ETFDH: variants seen among roughly 807,000 people sequenced by gnomAD.
ETFDH encodes the protein electron transfer flavoprotein dehydrogenase.
ETFDH carries 61 observed loss-of-function variants against 73.2 expected under a neutral mutation model. The observed-to-expected ratio is 0.83, with a 90% confidence interval of 0.68 to 1.03. The LOEUF is 1.03. ETFDH is among the 50% of genes least tolerant of loss of function. The pLI, the probability that ETFDH is intolerant of heterozygous loss-of-function variation, is 0.00. For missense variants in ETFDH, 685 were observed against 745.0 expected, an observed-to-expected ratio of 0.92 and a Z score of 0.94; for synonymous variants, 243 against 253.3, an observed-to-expected ratio of 0.96 and a Z score of 0.39.
rs765701722 is a variant in ETFDH, at chr4:158,706,343, A to T, written c.1440A>T (p.Gly480=). ...YTGIFYWILR[G]MEPWTLKHKG... ...GAATCTTTTACTGGATATTGAGAGG[A>T]ATGGAGCCGTGGACTCTGAAACATA... The change falls in exon 11 of 13, where the codon GGA becomes GGT. Residue 480 remains glycine (G), a synonymous_variant. Coordinates refer to ENST00000511912, the MANE Select transcript of ETFDH (RefSeq NM_004453.4). 5 of 1,613,734 alleles carry T rather than the reference A, an allele frequency of 3.1e-6. No individual in the cohort carries two copies. The highest frequency in any genetic ancestry group is 3.4e-6 in the Non-Finnish European group (4 of 1,179,628).
chr4:158,688,218 C>T (rs1475683021), intron 5 of ETFDH, among the ~76,000 whole-genome samples: 1 of 147,082 alleles, frequency 6.8e-6, no homozygotes, highest in Non-Finnish European at 1.5e-5. Context: ...ATGGTGAAAC[C>T]CCCTCTCTAC....
rs371863866 is a variant in ETFDH, at chr4:158,698,951, A to C, written c.973-36A>C. 1.9e-4 allele frequency: 258 copies of C among 1,392,574 alleles called. 1 individual carries two copies. The African/African-American group carries it at 3.4e-3, about 18-fold the overall frequency. 86.3% of individuals were successfully genotyped at this position (1,392,574 alleles called of 1,614,324 possible). A position where few individuals can be genotyped will look rare whatever the true frequency, so the allele number is the denominator to read the frequency against. On this transcript the variant is annotated intron_variant, in intron 8 of 12. Transcript: ENST00000511912. The stretch of plus-strand genomic sequence containing the variant: ...TTTTAGCTTGATTTAATTTGAAATA[A>C]AAATGTCTAATTAAATATAAGTGTA...
At position 158,680,588 on chromosome 4, in the gene ETFDH, TA is replaced by T. The variant is rs1275308540; in HGVS notation, c.158del (p.Lys53ArgfsTer8). 1 of 1,610,642 alleles carries T rather than the reference TA, an allele frequency of 6.2e-7. No individual in the cohort carries two copies. The highest frequency in any genetic ancestry group is 1.1e-5 in the South Asian group (1 of 91,022). On this transcript the variant is annotated frameshift_variant, in exon 2 of 13. Coordinates refer to ENST00000511912, the MANE Select transcript of ETFDH (RefSeq NM_004453.4). LOFTEE classifies it high-confidence loss of function. ...CCCATTATACTATTTATCCCCGGGA[TA>T]AGGACAAGAGATGGGAAGGTAAGTA... is the stretch of plus-strand genomic sequence containing the variant. ...TTHYTIYPRD[K>X]DKRWEGVNME...
At chr4:158,706,089 A>G (rs1774602459) in intron 10 of ETFDH, 100 bp from the exon 11 acceptor site, 1 of 860,382 alleles carries the variant, frequency 1.2e-6, no homozygotes, top group African/African-American at 1.7e-5. Flanking sequence ...TCGAAAAAAG[A>G]AAAACTTCAC....
chr4:158,707,007 T>G (rs995966553), intron 12 of ETFDH, among the ~76,000 whole-genome samples, 157 bp downstream of exon 12: 3 of 152,030 alleles, frequency 2.0e-5, no homozygotes, highest in Non-Finnish European at 4.4e-5. Flanking sequence ...TAACTACTGG[T>G]TTTGTTAAGC....
intron 7 of ETFDH, 92 bp from the exon 8 acceptor site, chr4:158,697,467 A>T (rs1774337396): frequency 9.9e-7 from 1 of 1,006,376 alleles, no homozygotes; most frequent in Non-Finnish European, 1.5e-6. Flanking sequence ...CATAAATAAG[A>T]CATTAAACCT....
chr4:158,701,915 CA>C (rs909972703), intron 9 of ETFDH, among the ~76,000 whole-genome samples: 15 of 152,196 alleles, frequency 9.9e-5, no homozygotes, highest in African/African-American at 3.6e-4. Context: ...ACCCTTATTA[CA>C]TTGTTTTTTT....
chr4:158,674,613 T>G (rs978369869), intron 1 of ETFDH, among the ~76,000 whole-genome samples: 3 of 152,178 alleles, frequency 2.0e-5, no homozygotes, highest in Admixed American at 2.0e-4. Context: ...AGTGCTATAG[T>G]TTTTAGTATG....
At chr4:158,692,399 C>CAAA (rs35615738) in intron 6 of ETFDH, among the ~76,000 whole-genome samples, 13 of 91,418 alleles carry the variant, frequency 1.4e-4, no homozygotes, top group South Asian at 3.7e-4. Context: ...GACACCGTCT[C>CAAA]AAAAAAAAAA....
intron 8 of ETFDH, 148 bp from the exon 9 acceptor site, chr4:158,698,839 T>A: frequency 1.7e-6 from 1 of 584,408 alleles, no homozygotes; most frequent in Non-Finnish European, 3.1e-6. Context: ...ATTTTTAATT[T>A]ACATTTGGAT....
intron 6 of ETFDH, among the ~76,000 whole-genome samples, chr4:158,693,002 T>G (rs1774218529): frequency 2.0e-5 from 3 of 151,710 alleles, no homozygotes; most frequent in South Asian, 4.1e-4. Context: ...TACAATGGAG[T>G]CTTAGTAATT....
At chr4:158,701,112 G>C (rs1273062479) in intron 9 of ETFDH, among the ~76,000 whole-genome samples, 1 of 152,124 alleles carries the variant, frequency 6.6e-6, no homozygotes, top group Non-Finnish European at 1.5e-5. Flanking sequence ...TAGTAACCCA[G>C]CCCACCCAAG....
At chr4:158,688,434 C>G (rs1487087498) in intron 5 of ETFDH, among the ~76,000 whole-genome samples, 1 of 150,166 alleles carries the variant, frequency 6.7e-6, no homozygotes, top group Admixed American at 6.6e-5. Context: ...ACCTGTAATC[C>G]CAGCACTTTG....
chr4:158,708,658 T>G lies in ETFDH; in HGVS notation c.*131T>G, dbSNP rs1204860165. On this transcript the variant is annotated 3_prime_UTR_variant, in exon 13 of 13. Transcript: ENST00000511912. ...ACAAAATGATTATCAAATAAAAATT[T>G]TATACTATATGTAAGATTGTCCCAT... is the stretch of plus-strand genomic sequence containing the variant. 1.5e-5 allele frequency: 12 copies of G among 778,256 alleles called. No homozygotes were observed. The East Asian group carries it at 2.4e-4, about 16-fold the overall frequency. 48.2% of individuals were successfully genotyped at this position (778,256 alleles called of 1,614,324 possible).
rs1773881214 is a variant in ETFDH, at chr4:158,682,307, G to C, written c.288G>C (p.Lys96Asn). ...AACAGTTGGCTGTGGCACATGAAAA[G>C]GACATCCGTGTGTGTCTAGTGGAGA... is the stretch of plus-strand genomic sequence containing the variant. ...RLKQLAVAHE[K>N]DIRVCLVEKA... The change falls in exon 3 of 13, where the codon AAG becomes AAC. Residue 96 changes from lysine to asparagine, a missense_variant. Transcript: ENST00000511912. 1 of 1,614,162 alleles carries C rather than the reference G, an allele frequency of 6.2e-7. No homozygotes were observed. Among genetic ancestry groups the C allele is most frequent in the South Asian group, 1.1e-5 (1 of 91,082 alleles).
At chr4:158,689,638 TGTG>T (rs1774109732) in intron 5 of ETFDH, among the ~76,000 whole-genome samples, 1 of 73,744 alleles carries the variant, frequency 1.4e-5, no homozygotes, top group Admixed American at 1.3e-4. Flanking sequence ...ATATATATAT[TGTG>T]GGGGGGTGGG....
Position 158,672,334 on chromosome 4 carries a change from G to A in ETFDH, c.-123G>A, listed in dbSNP as rs1187138607. On this transcript the variant is annotated 5_prime_UTR_variant, in exon 1 of 13. Transcript: ENST00000511912. ...GGTCGGCAGAGCGGGGAGGCGAACT[G>A]CAGCAGAGTTCTTGCTTTCCGGCAG... The A allele has an allele frequency of 4.1e-6, 4 of 979,886 alleles. No homozygotes were observed. Among genetic ancestry groups the A allele is most frequent in the African/African-American group, 3.2e-5 (2 of 62,860 alleles). 60.7% of individuals were successfully genotyped at this position (979,886 alleles called of 1,614,324 possible).
At chr4:158,689,670 A>G (rs1774111308) in intron 5 of ETFDH, among the ~76,000 whole-genome samples, 1 of 126,898 alleles carries the variant, frequency 7.9e-6, no homozygotes, top group African/African-American at 3.1e-5. Flanking sequence ...CATTGCTGCT[A>G]ATCTTTTCTT....
chr4:158,707,564 G>A (rs1299394379), intron 12 of ETFDH, among the ~76,000 whole-genome samples: 1 of 152,126 alleles, frequency 6.6e-6, no homozygotes, highest in African/African-American at 2.4e-5. Flanking sequence ...TGTACCATTC[G>A]GGCTTGCCCC....
Sources: allele counts gnomAD v4.1 joint callset (sites outside exome capture counted in the v4.1 genomes callset), GRCh38; gene constraint gnomAD v4.1.1; transcripts MANE v1.5; gene names NCBI Gene and HGNC (gene_info 2026-07-23, HGNC 2026-07-21).